The following CARMIL1 variants were observed in gnomAD, a reference collection of about 807,000 sequenced individuals.
CARMIL1 encodes F-actin-uncapping protein LRRC16A.
A neutral mutation model predicts 177.1 loss-of-function variants in CARMIL1; 90 were observed. The ratio of observed to expected loss-of-function variants is 0.51; its 90% CI spans 0.43 to 0.61. The LOEUF is 0.61. CARMIL1 is among the 20% of genes least tolerant of loss of function. The pLI, the probability that CARMIL1 is intolerant of heterozygous loss-of-function variation, is 0.00. For missense variants in CARMIL1, 1,380 were observed against 1,667.0 expected (o/e 0.83, Z 3.00); for synonymous variants, 577 against 606.2 (o/e 0.95, Z 0.71).
At chr6:25,551,683 C>T (rs1191558714) in intron 27 of CARMIL1, among the ~76,000 whole-genome samples, 1 of 152,150 alleles carries the variant, frequency 6.6e-6, no homozygotes, top group African/African-American at 2.4e-5. Context: ...ACTCTTGGTC[C>T]ATCAACAGTA....
chr6:25,457,451 G>A (rs747385557), intron 8 of CARMIL1, among the ~76,000 whole-genome samples: 17 of 152,098 alleles, frequency 1.1e-4, no homozygotes, highest in South Asian at 1.0e-3. Flanking sequence ...TTGGTGAGTG[G>A]TTCCGCTAAT....
chr6:25,445,604 G>A (rs1798157299), intron 5 of CARMIL1, among the ~76,000 whole-genome samples: 1 of 147,998 alleles, frequency 6.8e-6, no homozygotes, highest in East Asian at 2.0e-4. Context: ...GCGTGATCTC[G>A]GCTCACTGCA....
At chr6:25,384,048 A>G (rs958837623) in intron 2 of CARMIL1, among the ~76,000 whole-genome samples, 26 of 152,162 alleles carry the variant, frequency 1.7e-4, no homozygotes, top group African/African-American at 6.0e-4. Flanking sequence ...CATGTTTGCC[A>G]GGCAGGTCTC....
At chr6:25,441,335 A>ATGTGTGTGTGTG (rs1348225958) in intron 5 of CARMIL1, among the ~76,000 whole-genome samples, 2,288 of 66,586 alleles carry the variant, frequency 0.034, 20 homozygotes, top group Middle Eastern at 0.063. Context: ...ATATATATAT[A>ATGTGTGTGTGTG]TATGTGTGTG....
intron 31 of CARMIL1, among the ~76,000 whole-genome samples, chr6:25,582,186 G>T (rs1386968597): frequency 6.6e-6 from 1 of 152,136 alleles, no homozygotes. Context: ...GGTCACTCCA[G>T]ACCAAATCCT....
At chr6:25,478,056 A>G (rs1050526273) in intron 11 of CARMIL1, among the ~76,000 whole-genome samples, 2 of 151,142 alleles carry the variant, frequency 1.3e-5, no homozygotes, top group Non-Finnish European at 3.0e-5. Context: ...ATGTGGTCTC[A>G]CTCTGTTGCC....
chr6:25,343,769 C>T (rs1234165554), intron 2 of CARMIL1, among the ~76,000 whole-genome samples: 1 of 152,108 alleles, frequency 6.6e-6, no homozygotes, highest in African/African-American at 2.4e-5. Flanking sequence ...ACCTTCATCT[C>T]CTTGCTTTAT....
chr6:25,608,153 G>A (rs540725302), intron 35 of CARMIL1, among the ~76,000 whole-genome samples: 1 of 152,298 alleles, frequency 6.6e-6, no homozygotes, highest in East Asian at 1.9e-4. Context: ...AATGAATCTA[G>A]TTTGTAGAGT....
chr6:25,431,190 A>G (rs575549328), intron 4 of CARMIL1, among the ~76,000 whole-genome samples: 37 of 151,684 alleles, frequency 2.4e-4, no homozygotes, highest in African/African-American at 5.6e-4. Flanking sequence ...TCTATTTCCT[A>G]TTTCATCGAC....
chr6:25,604,965 CA>C (rs1480260393), intron 34 of CARMIL1, 72 bp downstream of exon 34: 68 of 1,284,092 alleles, frequency 5.3e-5, no homozygotes, highest in Non-Finnish European at 7.3e-5. Context: ...ACATGATTGA[CA>C]GAAGAAAAAT....
At chr6:25,319,931 A>T (rs1286313618) in intron 2 of CARMIL1, among the ~76,000 whole-genome samples, 3 of 152,118 alleles carry the variant, frequency 2.0e-5, no homozygotes, top group Non-Finnish European at 4.4e-5. Context: ...TCGCTCCCTG[A>T]AAGTGGATTA....
chr6:25,543,567 C>T (rs1375109074), intron 26 of CARMIL1, among the ~76,000 whole-genome samples: 1 of 152,042 alleles, frequency 6.6e-6, no homozygotes, highest in Non-Finnish European at 1.5e-5. Context: ...TCATTTCTCC[C>T]TTCTGGACTT....
chr6:25,499,751 A>G (rs1348455257), intron 16 of CARMIL1, among the ~76,000 whole-genome samples: 1 of 152,198 alleles, frequency 6.6e-6, no homozygotes, highest in African/African-American at 2.4e-5. Context: ...CCTTAGGGAA[A>G]ACTAGCTTTA....
At chr6:25,464,881 A>G (rs1180847560) in intron 8 of CARMIL1, among the ~76,000 whole-genome samples, 1 of 152,120 alleles carries the variant, frequency 6.6e-6, no homozygotes, top group Non-Finnish European at 1.5e-5. Flanking sequence ...ATCATGTTAG[A>G]TGAGTAACAA....
At chr6:25,460,182 C>A (rs1026463264) in intron 8 of CARMIL1, among the ~76,000 whole-genome samples, 1 of 152,186 alleles carries the variant, frequency 6.6e-6, no homozygotes, top group African/African-American at 2.4e-5. Flanking sequence ...TTGGTATCAG[C>A]ACAGCAGTAG....
intron 17 of CARMIL1, among the ~76,000 whole-genome samples, chr6:25,506,518 C>T (rs774222817): frequency 6.6e-6 from 1 of 151,928 alleles, no homozygotes; most frequent in African/African-American, 2.4e-5. Flanking sequence ...TGCACTCCAG[C>T]CTGGGAGACA....
chr6:25,445,727 A>G lies in CARMIL1; in HGVS notation c.372-4171A>G, dbSNP rs138250173. On this transcript the variant is annotated intron_variant, in intron 5 of 36. Transcript: ENST00000329474. Reference sequence around the variant, plus strand: ...TTTTTTTTTTGTATTTTTAGTAGAGATGGGGTTTCACCATGTTAGCCGGGA... The same window carrying G: ...TTTTTTTTTTGTATTTTTAGTAGAGGTGGGGTTTCACCATGTTAGCCGGGA... 4.8e-3 allele frequency among the ~76,000 whole-genome samples: 731 copies of G among 151,606 alleles called. 8 individuals are homozygous for G. The highest frequency in any genetic ancestry group is 0.016 in the African/African-American group (662 of 41,294).
intron 2 of CARMIL1, among the ~76,000 whole-genome samples, chr6:25,355,689 A>C (rs1264606606): frequency 6.6e-6 from 1 of 152,138 alleles, no homozygotes; most frequent in Non-Finnish European, 1.5e-5. Flanking sequence ...AGAAAAATAA[A>C]CAACCAACCA....
chr6:25,486,958 AT>A (rs879279132), intron 12 of CARMIL1, among the ~76,000 whole-genome samples: 9 of 152,232 alleles, frequency 5.9e-5, no homozygotes, highest in East Asian at 1.9e-4. Flanking sequence ...TAAAAAAAAA[AT>A]GATCTTATTT....
Sources: gnomAD v4.1 joint callset for allele counts (sites outside exome capture counted in the v4.1 genomes callset) on GRCh38, gnomAD v4.1.1 for gene constraint, MANE v1.5 for transcripts, NCBI Gene and HGNC (gene_info 2026-07-23, HGNC 2026-07-21) for gene names.